Variants in ITIH2 observed in about 807,000 individuals in gnomAD.
ITIH2 encodes the protein inter-alpha-trypsin inhibitor heavy chain H2.
ITIH2 carries 103 observed loss-of-function variants against 104.4 expected under a neutral mutation model. The ratio of observed to expected loss-of-function variants is 0.99; its 90% confidence interval spans 0.84 to 1.16. ITIH2 has a LOEUF of 1.16. ITIH2 is among the 50% of genes most tolerant of loss of function. The pLI, the probability that ITIH2 is intolerant of heterozygous loss-of-function variation, is 0.00. For missense variants in ITIH2, 1,108 were observed against 1,162.4 expected (o/e 0.95, Z 0.68); for synonymous variants, 436 against 435.4 (o/e 1.00, Z -0.02).
chr10:7,744,990 A>G, intron 19 of ITIH2, 27 bp downstream of exon 19: 2 of 1,600,814 alleles, frequency 1.2e-6, no homozygotes, highest in Non-Finnish European at 1.7e-6. Flanking sequence ...CCATCTGACA[A>G]GGGTGGGGCC....
At position 7,740,896 on chromosome 10, in the gene ITIH2, G is replaced by A. The variant is rs370812271; in HGVS notation, c.2095+2138G>A. 6.1e-4 allele frequency among the ~76,000 whole-genome samples: 93 copies of A among 152,268 alleles called. 1 individual carries two copies. The South Asian group carries it at 0.017, about 27-fold the overall frequency. ...GCTAGGAATCTATAACATTAGTCACGGAGGTCCTTGATCTACTTTCTGCCT... is the reference window on the plus strand; with the variant it reads ...GCTAGGAATCTATAACATTAGTCACAGAGGTCCTTGATCTACTTTCTGCCT... On this transcript the variant is annotated intron_variant, in intron 16 of 20. Coordinates refer to ENST00000358415, the MANE Select transcript of ITIH2 (RefSeq NM_002216.3).
At chr10:7,720,717 G>A (rs1834893927) in intron 6 of ITIH2, 139 bp from the exon 7 acceptor site, 3 of 586,228 alleles carry the variant, frequency 5.1e-6, no homozygotes, top group East Asian at 3.1e-5. Flanking sequence ...TGCAGATCCT[G>A]CAGGAGAGAT....
chr10:7,717,851 A>G, intron 6 of ITIH2, 63 bp downstream of exon 6: 1 of 1,496,920 alleles, frequency 6.7e-7, no homozygotes, highest in Non-Finnish European at 9.2e-7. Flanking sequence ...ACCCTGATTT[A>G]TACTTTCTGC....
chr10:7,746,751 A>G (rs1156478212), intron 20 of ITIH2, 47 bp downstream of exon 20: 3 of 1,183,864 alleles, frequency 2.5e-6, no homozygotes, highest in Non-Finnish European at 3.8e-6. Context: ...TTGTGTTAGA[A>G]TTAGACCCAC....
At chr10:7,725,251 C>A (rs1834941668) in intron 9 of ITIH2, among the ~76,000 whole-genome samples, 1 of 152,162 alleles carries the variant, frequency 6.6e-6, no homozygotes, top group African/African-American at 2.4e-5. Flanking sequence ...TTTAAATAGG[C>A]TTGTCATCTA....
intron 15 of ITIH2, among the ~76,000 whole-genome samples, chr10:7,737,474 T>C (rs140215569): frequency 0.027 from 3,806 of 139,034 alleles, 189 homozygotes; most frequent in African/African-American, 0.092. Context: ...TATAATTATA[T>C]TATCTGTAAT....
chr10:7,720,956 A>G lies in ITIH2; in HGVS notation c.731A>G (p.Gln244Arg), dbSNP rs756871376. The change falls in exon 7 of 21, where the codon CAA (glutamine) becomes CGA (arginine). Residue 244 changes from glutamine to arginine, a missense_variant. Transcript: ENST00000358415. ...GGTGTTCCGGTCATTTCTAAAGGAC[A>G]ACAGAAGGTACCCTGAGCCCTGTGT... Reference protein sequence around the residue: ...FDGVPVISKGQQKAHVSFKPT... With the variant: ...FDGVPVISKGRQKAHVSFKPT... 1.2e-6 allele frequency: 2 copies of G among 1,602,182 alleles called. No individual in the cohort carries two copies. The highest frequency in any genetic ancestry group is 3.3e-5 in the Admixed American group (2 of 59,986).
chr10:7,715,591 C>T (rs1447185097), intron 5 of ITIH2, among the ~76,000 whole-genome samples: 2 of 152,116 alleles, frequency 1.3e-5, no homozygotes, highest in Non-Finnish European at 2.9e-5. Context: ...CAGGTAAACA[C>T]GGTGTCTCAC....
intron 20 of ITIH2, among the ~76,000 whole-genome samples, chr10:7,747,178 C>T (rs925768801): frequency 1.3e-5 from 2 of 152,164 alleles, no homozygotes; most frequent in Non-Finnish European, 1.5e-5. Context: ...CTTAGACGCT[C>T]ATAACGCATT....
chr10:7,703,355 T>G lies in ITIH2; in HGVS notation c.-80T>G. 1 of 918,672 alleles carries G rather than the reference T, an allele frequency of 1.1e-6. No homozygotes were observed. The allele number at this position is 918,672 out of a possible 1,614,324, so 56.9% of individuals were successfully genotyped here. Reference sequence around the variant, plus strand: ...CGAACTGTACTCCTCTGCTGTTCCTTTGAACTTGGTTCAGTAGGAAGAAGT... The same window carrying G: ...CGAACTGTACTCCTCTGCTGTTCCTGTGAACTTGGTTCAGTAGGAAGAAGT... On this transcript the variant is annotated 5_prime_UTR_variant, in exon 1 of 21. Transcript: ENST00000358415.
chr10:7,716,735 C>CA (rs61703360), intron 5 of ITIH2, among the ~76,000 whole-genome samples: 4,847 of 58,372 alleles, frequency 0.083, 182 homozygotes, highest in Non-Finnish European at 0.12. Flanking sequence ...GACCCCAGCT[C>CA]AAAAAAAAAA....
At position 7,705,189 on chromosome 10, in the gene ITIH2, T is replaced by C. The variant is rs776908288; in HGVS notation, c.159+7T>C. 1.3e-5 allele frequency: 21 copies of C among 1,593,654 alleles called. No homozygotes were observed. Among genetic ancestry groups the C allele is most frequent in the Non-Finnish European group, 1.6e-5 (19 of 1,163,012 alleles). On this transcript the variant is annotated splice_region_variant and intron_variant, in intron 2 of 20. Transcript: ENST00000358415. Reference sequence around the variant, plus strand: ...AGAGAACCGGAGATATCAGGTATAGTAAGGTTTACTCCCAAAAGGGGGAAA... The same window carrying C: ...AGAGAACCGGAGATATCAGGTATAGCAAGGTTTACTCCCAAAAGGGGGAAA...
rs1356116185 is a variant in ITIH2, at chr10:7,730,082, T to C, written c.1410T>C (p.His470=). 6.2e-7 allele frequency: 1 copy of C among 1,613,284 alleles called. No individual in the cohort carries two copies. Among genetic ancestry groups the C allele is most frequent in the Non-Finnish European group, 8.5e-7 (1 of 1,179,546 alleles). ...DFLKRLSNEN[H]GIAQRIYGNQ... ...TGAAGAGACTGTCCAATGAAAACCATGGAATTGCACAAAGGATTTATGGAA... is the reference window on the plus strand; with the variant it reads ...TGAAGAGACTGTCCAATGAAAACCACGGAATTGCACAAAGGATTTATGGAA... The change falls in exon 12 of 21, where the codon CAT becomes CAC. Residue 470 remains histidine (H), a synonymous_variant. Transcript: ENST00000358415.
At chr10:7,713,003 C>T (rs11255301) in intron 4 of ITIH2, among the ~76,000 whole-genome samples, 178 bp from the exon 5 acceptor site, 6,644 of 152,126 alleles carry the variant, frequency 0.044, 195 homozygotes, top group African/African-American at 0.078. Flanking sequence ...GCCTATAATC[C>T]CAGCTACTCA....
chr10:7,706,037 T>C (rs930614347), intron 2 of ITIH2, among the ~76,000 whole-genome samples: 1 of 152,178 alleles, frequency 6.6e-6, no homozygotes, highest in African/African-American at 2.4e-5. Context: ...AGAGGAGGTA[T>C]TTACGGAAGC....
At chr10:7,731,780 T>A (rs973427852) in intron 12 of ITIH2, 31 bp from the exon 13 acceptor site, 2 of 1,466,406 alleles carry the variant, frequency 1.4e-6, no homozygotes, top group African/African-American at 2.8e-5. Context: ...AGTAGGAACA[T>A]AATTTCTCTC....
At chr10:7,709,844 C>T (rs925786463) in intron 4 of ITIH2, among the ~76,000 whole-genome samples, 8 of 152,094 alleles carry the variant, frequency 5.3e-5, no homozygotes, top group African/African-American at 1.9e-4. Context: ...AAATGATGTG[C>T]CATCTGAGCT....
intron 7 of ITIH2, among the ~76,000 whole-genome samples, chr10:7,721,242 A>G (rs1834899660): frequency 6.6e-6 from 1 of 152,174 alleles, no homozygotes; most frequent in African/African-American, 2.4e-5. Flanking sequence ...TTCACATCCT[A>G]TATGGCAGAT....
rs143417500 is a variant in ITIH2 at position 7,727,022 on chromosome 10, C to T, written c.1057C>T (p.Gln353Ter). Residue 353 changes from glutamine (Q) to a stop codon, truncating the protein, a stop_gained, in exon 10 of 21, where the codon CAG becomes TAG. Transcript: ENST00000358415. LOFTEE classifies it high-confidence loss of function. ...EDHFSVIDFN[Q>*]NIRTWRNDLI... ...CCATTTCTCTGTGATTGATTTCAAC[C>T]AGAACATTCGAACTTGGAGAAATGA... 28 of 1,613,744 alleles carry T rather than the reference C, an allele frequency of 1.7e-5. No homozygotes were observed. The highest frequency in any genetic ancestry group is 2.4e-5 in the Non-Finnish European group (28 of 1,179,762).
Sources: gnomAD v4.1 joint callset for allele counts (sites outside exome capture counted in the v4.1 genomes callset) on GRCh38, gnomAD v4.1.1 for gene constraint, MANE v1.5 for transcripts, NCBI Gene and HGNC (gene_info 2026-07-23, HGNC 2026-07-21) for gene names.